CMPK1: variants seen among roughly 807,000 people sequenced by gnomAD.
CMPK1 encodes UMP-CMP kinase.
Under a neutral mutation model 25.7 loss-of-function variants are expected in CMPK1, and 10 were observed. The ratio of observed to expected loss-of-function variants is 0.39; its 90% confidence interval spans 0.24 to 0.66. The LOEUF is 0.66. Ranked by LOEUF, CMPK1 falls within the 30% of genes least tolerant of loss-of-function variation. The pLI is 0.48. For synonymous variants in CMPK1, 106 were observed against 101.5 expected, an observed-to-expected ratio of 1.04 and a Z score of -0.27; for missense variants, 199 against 280.5, an observed-to-expected ratio of 0.71 and a Z score of 2.08.
chr1:47,361,969 C>G (rs1004244515), intron 1 of CMPK1, among the ~76,000 whole-genome samples: 2 of 149,252 alleles, frequency 1.3e-5, no homozygotes, highest in Non-Finnish European at 3.0e-5. Flanking sequence ...CTCCCAGGTT[C>G]AAGCAATTTT....
chr1:47,359,386 CTTTT>C (rs71053107), intron 1 of CMPK1, among the ~76,000 whole-genome samples: 45 of 102,734 alleles, frequency 4.4e-4, no homozygotes, highest in Admixed American at 2.2e-3. Flanking sequence ...AACCTTTTTT[CTTTT>C]TTTTTTTTTT....
At chr1:47,368,095 A>T (rs896046666) in intron 1 of CMPK1, among the ~76,000 whole-genome samples, 8 of 151,992 alleles carry the variant, frequency 5.3e-5, no homozygotes, top group Non-Finnish European at 1.0e-4. Flanking sequence ...GATTACAGGC[A>T]TGCACCACCA....
intron 1 of CMPK1, among the ~76,000 whole-genome samples, chr1:47,352,165 A>T (rs569235466): frequency 6.6e-6 from 1 of 152,084 alleles, no homozygotes; most frequent in African/African-American, 2.4e-5. Context: ...AAATAAAAAG[A>T]TGTCTTTTAA....
At chr1:47,358,572 TAAAC>T (rs1314884882) in intron 1 of CMPK1, 4 of 1,010,498 alleles carry the variant, frequency 4.0e-6, no homozygotes, top group Non-Finnish European at 4.7e-6. Flanking sequence ...TAAGAAAGAT[TAAAC>T]AAATTACCCA....
chr1:47,344,564 T>A (rs1646468953), intron 1 of CMPK1, among the ~76,000 whole-genome samples: 1 of 151,726 alleles, frequency 6.6e-6, no homozygotes, highest in Non-Finnish European at 1.5e-5. Context: ...AGTAGCACAG[T>A]CTTGGCTCAC....
At chr1:47,366,621 GAC>G (rs954678222) in intron 1 of CMPK1, among the ~76,000 whole-genome samples, 1 of 152,134 alleles carries the variant, frequency 6.6e-6, no homozygotes, top group Non-Finnish European at 1.5e-5. Context: ...GAGAACATGA[GAC>G]ACATGTGTAT....
intron 1 of CMPK1, among the ~76,000 whole-genome samples, chr1:47,366,566 A>T (rs1246149603): frequency 6.6e-6 from 1 of 152,222 alleles, no homozygotes; most frequent in South Asian, 2.1e-4. Context: ...AAAATATAGT[A>T]TAAAAAACTG....
At chr1:47,352,876 A>G (rs1391610174) in intron 1 of CMPK1, among the ~76,000 whole-genome samples, 1 of 152,178 alleles carries the variant, frequency 6.6e-6, no homozygotes, top group African/African-American at 2.4e-5. Context: ...TTAAAAATGT[A>G]TTATCACTAA....
At chr1:47,374,329 T>C (rs1179071560) in intron 3 of CMPK1, among the ~76,000 whole-genome samples, 5 of 152,228 alleles carry the variant, frequency 3.3e-5, no homozygotes, top group African/African-American at 9.6e-5. Context: ...AGTGTTGGAA[T>C]TGCAGGCCTG....
chr1:47,368,317 A>G (rs932292400), intron 1 of CMPK1, 152 bp from the exon 2 acceptor site: 16 of 538,182 alleles, frequency 3.0e-5, no homozygotes, highest in South Asian at 4.2e-5. Flanking sequence ...TATGGGAAAT[A>G]TCTTAAATTT....
intron 1 of CMPK1, among the ~76,000 whole-genome samples, chr1:47,350,437 A>G (rs1646514872): frequency 6.6e-6 from 1 of 151,972 alleles, no homozygotes; most frequent in African/African-American, 2.4e-5. Context: ...GTTTTGGTAG[A>G]GGTGGGGTTT....
chr1:47,369,194 CAG>C (rs1646659977), intron 2 of CMPK1, among the ~76,000 whole-genome samples: 3 of 151,778 alleles, frequency 2.0e-5, no homozygotes, highest in African/African-American at 7.3e-5. Context: ...TTTGTGGAGA[CAG>C]GGTCTCACTA....
At chr1:47,339,395 C>T (rs1215059398) in intron 1 of CMPK1, among the ~76,000 whole-genome samples, 2 of 152,078 alleles carry the variant, frequency 1.3e-5, no homozygotes, top group African/African-American at 4.8e-5. Context: ...ATCCTACTTA[C>T]TGCACTTAGA....
chr1:47,336,611 C>T (rs575840386), intron 1 of CMPK1, among the ~76,000 whole-genome samples: 1 of 152,284 alleles, frequency 6.6e-6, no homozygotes, highest in African/African-American at 2.4e-5. Flanking sequence ...CAACCTCTGC[C>T]TCCTGGGCTC....
At chr1:47,335,716 C>A (rs543008863) in intron 1 of CMPK1, among the ~76,000 whole-genome samples, 2 of 150,404 alleles carry the variant, frequency 1.3e-5, no homozygotes, top group Admixed American at 1.3e-4. Flanking sequence ...ACATTTACAT[C>A]CTCTTAAAAA....
chr1:47,359,307 A>G (rs997600663), intron 1 of CMPK1, among the ~76,000 whole-genome samples: 3 of 149,284 alleles, frequency 2.0e-5, no homozygotes, highest in Admixed American at 6.7e-5. Context: ...ACAGAGGGAG[A>G]CTCCATCTCT....
intron 5 of CMPK1, among the ~76,000 whole-genome samples, chr1:47,376,030 A>T (rs1646706112): frequency 6.6e-6 from 1 of 152,140 alleles, no homozygotes; most frequent in African/African-American, 2.4e-5. Context: ...TAAGAAGATA[A>T]GCCACTTCAG....
At chr1:47,359,068 G>C (rs945257617) in intron 1 of CMPK1, among the ~76,000 whole-genome samples, 2 of 151,974 alleles carry the variant, frequency 1.3e-5, no homozygotes, top group Admixed American at 1.3e-4. Context: ...CCTGTAATCC[G>C]TGCACTTTGG....
intron 1 of CMPK1, among the ~76,000 whole-genome samples, chr1:47,367,050 A>T (rs1464833708): frequency 6.6e-6 from 1 of 152,012 alleles, no homozygotes; most frequent in Non-Finnish European, 1.5e-5. Context: ...TTAAAAAAAA[A>T]GTTTAATAGA....
Sources: gnomAD v4.1 joint callset for allele counts (sites outside exome capture counted in the v4.1 genomes callset) on GRCh38, gnomAD v4.1.1 for gene constraint, MANE v1.5 for transcripts, NCBI Gene and HGNC (gene_info 2026-07-23, HGNC 2026-07-21) for gene names.